The following STPG2 variants were observed in gnomAD, a reference collection of about 807,000 sequenced individuals.
STPG2 encodes sperm tail PG-rich repeat containing 2.
In STPG2, 56 loss-of-function variants were observed where a neutral mutation model predicts 54.2. The observed-to-expected ratio is 1.03, with a 90% CI of 0.83 to 1.29. The LOEUF is 1.29. Ranked by LOEUF, STPG2 falls within the 50% of genes most tolerant of loss-of-function variation. STPG2 has a pLI of 0.00. For missense variants in STPG2, 596 were observed against 544.9 expected, an observed-to-expected ratio of 1.09 and a Z score of -0.93; for synonymous variants, 200 against 181.8, an observed-to-expected ratio of 1.10 and a Z score of -0.81.
chr4:97,921,167 G>C (rs1732091861), intron 8 of STPG2, among the ~76,000 whole-genome samples: 1 of 152,070 alleles, frequency 6.6e-6, no homozygotes, highest in Non-Finnish European at 1.5e-5. Flanking sequence ...TCCTCATAGG[G>C]GGAAGGAGAG....
At chr4:97,477,057 G>C (rs533791654) in intron 4 of STPG2, among the ~76,000 whole-genome samples, 1 of 152,288 alleles carries the variant, frequency 6.6e-6, no homozygotes, top group South Asian at 2.1e-4. Context: ...ACAATTTAAA[G>C]GTCCTGTCAT....
rs191877518 is a variant in STPG2 at position 97,537,499 on chromosome 4, G to A, written c.462+175200C>T. On this transcript the variant is annotated intron_variant, in intron 4 of 4. Transcript: ENST00000522676. Reference sequence around the variant, plus strand: ...CAAGGCAGCAGCAAGGCTGGGGGAGGAGTGTCCACCATTTCTGAGGCTTCA... The same window carrying A: ...CAAGGCAGCAGCAAGGCTGGGGGAGAAGTGTCCACCATTTCTGAGGCTTCA... Among the ~76,000 whole-genome samples the A allele has an allele frequency of 1.1e-4, 17 of 152,304 alleles. No homozygotes were observed. In the East Asian group the frequency reaches 3.1e-3, roughly 28 times the overall value.
intron 9 of STPG2, among the ~76,000 whole-genome samples, chr4:97,737,086 A>T (rs552672523): frequency 1.3e-5 from 2 of 152,288 alleles, no homozygotes; most frequent in South Asian, 2.1e-4. Flanking sequence ...CCGCTGCTGG[A>T]ACCCAGGCAA....
intron 10 of STPG2, among the ~76,000 whole-genome samples, chr4:97,589,938 T>C (rs1016016676): frequency 2.0e-5 from 3 of 152,188 alleles, no homozygotes; most frequent in Non-Finnish European, 4.4e-5. Context: ...TCTAAGTTTA[T>C]TAAACCCTCT....
chr4:97,949,044 T>C (rs1050619177), intron 7 of STPG2, among the ~76,000 whole-genome samples: 3 of 152,084 alleles, frequency 2.0e-5, no homozygotes, highest in Admixed American at 6.6e-5. Flanking sequence ...TTGCTTTCTA[T>C]CTCCTCTCTT....
chr4:97,467,061 A>T (rs1297231241), intron 4 of STPG2, among the ~76,000 whole-genome samples: 1 of 152,008 alleles, frequency 6.6e-6, no homozygotes, highest in Non-Finnish European at 1.5e-5. Context: ...TACAGCTGAG[A>T]AATGGAAAAT....
chr4:97,626,920 C>T (rs1222595672), intron 10 of STPG2, among the ~76,000 whole-genome samples: 11 of 152,004 alleles, frequency 7.2e-5, no homozygotes, highest in African/African-American at 2.4e-5. Flanking sequence ...ATTTCTTACA[C>T]ATTTTATTGT....
intron 3 of STPG2, among the ~76,000 whole-genome samples, chr4:98,127,993 CCTT>C (rs1248451263): frequency 1.3e-5 from 2 of 152,270 alleles, no homozygotes; most frequent in African/African-American, 4.8e-5. Context: ...TATACCCATT[CCTT>C]CTTCTTCTGA....
At chr4:97,652,440 G>T (rs1722097651) in intron 10 of STPG2, among the ~76,000 whole-genome samples, 2 of 151,620 alleles carry the variant, frequency 1.3e-5, no homozygotes, top group African/African-American at 4.8e-5. Flanking sequence ...AAAATAAAGA[G>T]AAACTTGCTA....
intron 4 of STPG2, among the ~76,000 whole-genome samples, chr4:97,459,478 C>T (rs1163046635): frequency 7.6e-6 from 1 of 132,204 alleles, no homozygotes. Context: ...CTTGCTCTGT[C>T]GCCCAGGCTG....
intron 4 of STPG2, among the ~76,000 whole-genome samples, chr4:97,462,179 C>A (rs533913156): frequency 6.6e-5 from 10 of 152,050 alleles, no homozygotes; most frequent in African/African-American, 2.4e-4. Context: ...GTTGAATGAG[C>A]ACTGGTTATT....
chr4:97,958,078 G>A (rs558262814), intron 7 of STPG2, among the ~76,000 whole-genome samples: 2 of 152,112 alleles, frequency 1.3e-5, no homozygotes, highest in South Asian at 2.1e-4. Context: ...GGAGGCAGAG[G>A]GGGGACAGAT....
In STPG2 at chr4:97,482,255, G is replaced by A. The variant is rs1730240586; in HGVS notation, c.462+230444C>T. On this transcript the variant is annotated intron_variant, in intron 4 of 4. Transcript: ENST00000522676. ...AAACAGTTTTTGAAAAAAAAGTTTTGGATCTACGTTAAAAAAGATATTGGT... is the reference window on the plus strand; with the variant it reads ...AAACAGTTTTTGAAAAAAAAGTTTTAGATCTACGTTAAAAAAGATATTGGT... 2.6e-5 allele frequency among the ~76,000 whole-genome samples: 4 copies of A among 151,142 alleles called. No individual in the cohort carries two copies. The South Asian group carries it at 8.3e-4, about 31-fold the overall frequency.
intron 10 of STPG2, among the ~76,000 whole-genome samples, chr4:97,582,246 G>T (rs1017954511): frequency 1.3e-5 from 2 of 151,896 alleles, no homozygotes; most frequent in African/African-American, 2.4e-5. Flanking sequence ...TATATAATGT[G>T]CATACACCTA....
chr4:97,959,434 A>G (rs1358146540), intron 7 of STPG2, among the ~76,000 whole-genome samples: 1 of 152,056 alleles, frequency 6.6e-6, no homozygotes, highest in African/African-American at 2.4e-5. Flanking sequence ...AAAAAAGATA[A>G]ATAAAATTGA....
At chr4:97,995,828 T>G (rs1735188131) in intron 5 of STPG2, among the ~76,000 whole-genome samples, 1 of 152,154 alleles carries the variant, frequency 6.6e-6, no homozygotes, top group African/African-American at 2.4e-5. Context: ...CATGTTGAAT[T>G]GTAAACCCCA....
At chr4:97,602,139 AGATT>A (rs1733478879) in intron 10 of STPG2, among the ~76,000 whole-genome samples, 2 of 151,940 alleles carry the variant, frequency 1.3e-5, no homozygotes, top group South Asian at 4.1e-4. Context: ...ATTTGCCCAT[AGATT>A]ATTTTACTTT....
At chr4:98,031,615 G>A (rs2149300313) in intron 5 of STPG2, among the ~76,000 whole-genome samples, 1 of 152,154 alleles carries the variant, frequency 6.6e-6, no homozygotes, top group South Asian at 2.1e-4. Flanking sequence ...AAACCGGAAG[G>A]CGGAGGTTGC....
chr4:97,578,738 A>T (rs116408364), intron 10 of STPG2, among the ~76,000 whole-genome samples: 4 of 152,154 alleles, frequency 2.6e-5, no homozygotes, highest in African/African-American at 9.7e-5. Flanking sequence ...TAAACCAAAA[A>T]GAAAGGGTTC....
Sources: allele counts gnomAD v4.1 joint callset (sites outside exome capture counted in the v4.1 genomes callset), GRCh38; gene constraint gnomAD v4.1.1; transcripts MANE v1.5; gene names NCBI Gene and HGNC (gene_info 2026-07-23, HGNC 2026-07-21).